PCDHB15: variants seen among roughly 807,000 people sequenced by gnomAD.
PCDHB15 encodes protocadherin beta 15, also known as protocadherin beta-15.
For synonymous variants in PCDHB15, 492 were observed against 447.9 expected (o/e 1.10, Z -1.24); for missense variants, 1,032 against 991.7 (o/e 1.04, Z -0.55).
rs782163120 is a variant in PCDHB15, at chr5:141,245,605, C to T, written c.27C>T (p.Pro9=). Residue 9 remains proline, a synonymous_variant, in exon 1 of 1, where the codon CCC becomes CCT. Transcript: ENST00000231173. The part of the protein sequence containing the change: MEPAGERF[P]EQRQVLILLL... ...TGGAGCCTGCAGGGGAGCGCTTTCC[C>T]GAACAAAGGCAAGTCCTGATTCTCC... is the stretch of plus-strand genomic sequence containing the variant. 1.9e-6 allele frequency: 3 copies of T among 1,614,072 alleles called. No homozygotes were observed. Among genetic ancestry groups the T allele is most frequent in the Admixed American group, 1.7e-5 (1 of 60,010 alleles).
rs781852066 is a variant in PCDHB15 at position 141,247,458 on chromosome 5, C to T, written c.1880C>T (p.Ala627Val). The T allele has an allele frequency of 6.2e-7, 1 of 1,607,822 alleles. No individual in the cohort carries two copies. The highest frequency in any genetic ancestry group is 8.5e-7 in the Non-Finnish European group (1 of 1,179,678). ...VWAHNGEVRT[A>V]RLLSERDVAK... ...GCGCACAATGGCGAGGTGCGCACCG[C>T]CAGGCTGCTGAGCGAGCGCGACGTG... Residue 627 changes from alanine (A) to valine (V), a missense_variant, in exon 1 of 1, where the codon GCC becomes GTC. Coordinates refer to ENST00000231173, the MANE Select transcript of PCDHB15 (RefSeq NM_018935.4).
At position 141,246,293 on chromosome 5, in the gene PCDHB15, G is replaced by A. The variant is rs782724041; in HGVS notation, c.715G>A (p.Ala239Thr). The part of the protein sequence containing the change: ...LILVLDANDN[A>T]PEFVQALYEV... ...CTTGGTCTTGGACGCCAATGACAAT[G>A]CCCCGGAGTTTGTGCAGGCGCTCTA... Residue 239 changes from alanine to threonine, a missense_variant, in exon 1 of 1, where the codon GCC becomes ACC. Physicochemically the swap from Ala to Thr is moderately conservative, Grantham distance 58. Coordinates refer to ENST00000231173, the MANE Select transcript of PCDHB15 (RefSeq NM_018935.4). 6.2e-6 allele frequency: 10 copies of A among 1,614,132 alleles called. No homozygotes were observed. In the Admixed American group the frequency reaches 1.5e-4, roughly 24 times the overall value.
In PCDHB15 at chr5:141,247,251, C is replaced by T. The variant is rs551164198; in HGVS notation, c.1673C>T (p.Ser558Leu). 6.2e-7 allele frequency: 1 copy of T among 1,611,528 alleles called. No individual in the cohort carries two copies. Among genetic ancestry groups the T allele is most frequent in the South Asian group, 1.1e-5 (1 of 90,972 alleles). Residue 558 changes from serine (S) to leucine (L), a missense_variant, in exon 1 of 1, where the codon TCG becomes TTG. By Grantham distance (145) the Ser-to-Leu change is moderately radical (BLOSUM62 -2). Coordinates refer to ENST00000231173, the MANE Select transcript of PCDHB15 (RefSeq NM_018935.4). ...RVLVLDANDN[S>L]PFVLYPLQNG... ...CTGGTGCTGGACGCCAACGACAACTCGCCCTTCGTGCTGTACCCGCTGCAG... is the reference window on the plus strand; with the variant it reads ...CTGGTGCTGGACGCCAACGACAACTTGCCCTTCGTGCTGTACCCGCTGCAG...
At position 141,246,837 on chromosome 5, in the gene PCDHB15, C is replaced by T. The variant is rs782025340; in HGVS notation, c.1259C>T (p.Thr420Ile). ...DRETRAEYNI[T>I]ITITDLGTPR... is the part of the protein sequence containing the mutation. ...GAGACCAGAGCCGAGTACAACATCA[C>T]CATCACCATCACAGACTTGGGGACT... The change falls in exon 1 of 1, where the codon ACC (threonine) becomes ATC (isoleucine). Residue 420 changes from threonine (T) to isoleucine (I), a missense_variant. Transcript: ENST00000231173. 6.2e-7 allele frequency: 1 copy of T among 1,614,186 alleles called. No homozygotes were observed. The highest frequency in any genetic ancestry group is 1.7e-5 in the Admixed American group (1 of 60,020).
rs537608998 is a variant in PCDHB15 at position 141,247,235 on chromosome 5, G to A, written c.1657G>A (p.Asp553Asn). 11 of 1,611,804 alleles carry A rather than the reference G, an allele frequency of 6.8e-6. No homozygotes were observed. In the East Asian group the frequency reaches 1.8e-4, roughly 26 times the overall value. ...GGCGCTGGTGCGAGTGCTGGTGCTG[G>A]ACGCCAACGACAACTCGCCCTTCGT... ...SEALVRVLVL[D>N]ANDNSPFVLY... Residue 553 changes from aspartate to asparagine, a missense_variant, in exon 1 of 1, where the codon GAC becomes AAC. By Grantham distance (23) the Asp-to-Asn change is conservative (BLOSUM62 1). Transcript: ENST00000231173.
chr5:141,246,813 A>AT lies in PCDHB15; in HGVS notation c.1235_1236insT (p.Glu412AspfsTer35). ...GTAACAGAAGGGGCGCTGGACAGAG[A>AT]GACCAGAGCCGAGTACAACATCACC... On this transcript the variant is annotated frameshift_variant, in exon 1 of 1. Transcript: ENST00000231173. LOFTEE classifies it low-confidence loss of function (END_TRUNC). 6.2e-7 allele frequency: 1 copy of AT among 1,614,172 alleles called. No homozygotes were observed. The highest frequency in any genetic ancestry group is 1.7e-4 in the Middle Eastern group (1 of 6,056).
In PCDHB15 at chr5:141,247,994, T is replaced by G; in HGVS notation, c.*52T>G. On this transcript the variant is annotated 3_prime_UTR_variant, in exon 1 of 1. Coordinates refer to ENST00000231173, the MANE Select transcript of PCDHB15 (RefSeq NM_018935.4). ...TCTGTTAATTTTGTCTTCCTCACTT[T>G]TCACCTTAGTTTTTTTTAACCCTTT... The G allele has an allele frequency of 6.6e-7, 1 of 1,506,178 alleles. No individual in the cohort carries two copies. The highest frequency in any genetic ancestry group is 1.4e-5 in the South Asian group (1 of 72,584). The allele number at this position is 1,506,178 out of a possible 1,614,324, so 93.3% of individuals were successfully genotyped here.
rs145773606 is a variant in PCDHB15, at chr5:141,246,176, C to A, written c.598C>A (p.Leu200Met). 2 of 1,614,188 alleles carry A rather than the reference C, an allele frequency of 1.2e-6. No homozygotes were observed. The highest frequency in any genetic ancestry group is 1.7e-6 in the Non-Finnish European group (2 of 1,180,036). ...CCCAGAGCTGGTGCTGGACACAGAA[C>A]TGGATCGCGAGGAGCAGGCCGAGCT... is the stretch of plus-strand genomic sequence containing the variant. ...KYPELVLDTE[L>M]DREEQAELRL... is the part of the protein sequence containing the mutation. Residue 200 changes from leucine (L) to methionine (M), a missense_variant, in exon 1 of 1, where the codon CTG becomes ATG. By Grantham distance (15) the Leu-to-Met change is conservative. Transcript: ENST00000231173.
Position 141,247,864 on chromosome 5 carries a change from T to C in PCDHB15, c.2286T>C (p.Asn762=), listed in dbSNP as rs1434206162. 1 of 1,614,176 alleles carries C rather than the reference T, an allele frequency of 6.2e-7. No homozygotes were observed. Among genetic ancestry groups the C allele is most frequent in the South Asian group, 1.1e-5 (1 of 91,076 alleles). ...GTCTGACGGGAGGCTCTGAAAGTAA[T>C]GATTTCAAGTTCTTGAAGCCTATAT... ...EVCLTGGSES[N]DFKFLKPIFP... The change falls in exon 1 of 1, where the codon AAT becomes AAC. Residue 762 remains asparagine (N), a synonymous_variant. Transcript: ENST00000231173.
At position 141,245,819 on chromosome 5, in the gene PCDHB15, A is replaced by T; in HGVS notation, c.241A>T (p.Thr81Ser). The change falls in exon 1 of 1, where the codon ACC becomes TCC. Residue 81 changes from threonine (T) to serine (S), a missense_variant. By Grantham distance (58) the Thr-to-Ser change is moderately conservative. Coordinates refer to ENST00000231173, the MANE Select transcript of PCDHB15 (RefSeq NM_018935.4). ...NEQGLQLDLQ[T>S]GQLILNEKLD... ...ACAAGGCTTGCAGCTTGATCTGCAGACCGGGCAGTTGATATTAAATGAGAA... is the reference window on the plus strand; with the variant it reads ...ACAAGGCTTGCAGCTTGATCTGCAGTCCGGGCAGTTGATATTAAATGAGAA... 1 of 1,614,152 alleles carries T rather than the reference A, an allele frequency of 6.2e-7. No homozygotes were observed. Among genetic ancestry groups the T allele is most frequent in the Non-Finnish European group, 8.5e-7 (1 of 1,180,032 alleles).
rs1554292207 is a variant in PCDHB15, at chr5:141,247,386, C to T, written c.1808C>T (p.Ser603Leu). ...DGDSGQNAWL[S>L]YQLLKATEPG... ...GACTCGGGCCAGAACGCCTGGCTGT[C>T]GTACCAGCTGCTCAAGGCCACGGAG... is the stretch of plus-strand genomic sequence containing the variant. The change falls in exon 1 of 1, where the codon TCG (serine) becomes TTG (leucine). Residue 603 changes from serine to leucine, a missense_variant. By Grantham distance (145) the Ser-to-Leu change is moderately radical (BLOSUM62 -2). Coordinates refer to ENST00000231173, the MANE Select transcript of PCDHB15 (RefSeq NM_018935.4). 5.6e-6 allele frequency: 9 copies of T among 1,605,230 alleles called. No individual in the cohort carries two copies. The highest frequency in any genetic ancestry group is 7.6e-6 in the Non-Finnish European group (9 of 1,178,976).
Position 141,248,217 on chromosome 5 carries a change from A to G in PCDHB15, c.*275A>G, listed in dbSNP as rs1426820025. 3 of 248,252 alleles carry G rather than the reference A, an allele frequency of 1.2e-5. No homozygotes were observed. Among genetic ancestry groups the G allele is most frequent in the Admixed American group, 1.0e-4 (2 of 19,736 alleles). 15.4% of individuals were successfully genotyped at this position (248,252 alleles called of 1,614,324 possible). On this transcript the variant is annotated 3_prime_UTR_variant, in exon 1 of 1. Coordinates refer to ENST00000231173, the MANE Select transcript of PCDHB15 (RefSeq NM_018935.4). ...TGAAAGTTAACCCCACCTAATAAAC[A>G]TAACTCTAATTCTGAAATTACCTTT...
At position 141,247,517 on chromosome 5, in the gene PCDHB15, A is replaced by G. The variant is rs1554292252; in HGVS notation, c.1939A>G (p.Asn647Asp). 1 of 1,608,788 alleles carries G rather than the reference A, an allele frequency of 6.2e-7. No homozygotes were observed. The highest frequency in any genetic ancestry group is 8.5e-7 in the Non-Finnish European group (1 of 1,179,720). Residue 647 changes from asparagine (N) to aspartate (D), a missense_variant, in exon 1 of 1, where the codon AAT becomes GAT. Asn to Asp is a conservative substitution (Grantham distance 23, BLOSUM62 1). Transcript: ENST00000231173. ...KHRLVVLVKDNGEPPRSATAT... is the reference protein window; with the variant it reads ...KHRLVVLVKDDGEPPRSATAT... ...CAGGCTAGTGGTGCTGGTCAAGGAC[A>G]ATGGCGAGCCTCCGCGCTCGGCCAC...
rs1554292283 is a variant in PCDHB15, at chr5:141,247,630, C to T, written c.2052C>T (p.Asp684=). The change falls in exon 1 of 1, where the codon GAC becomes GAT. Residue 684 remains aspartate, a synonymous_variant. Transcript: ENST00000231173. ...PEAAPAQAQA[D]SLTVYLVVAL... is the part of the protein sequence containing the mutation. ...CGGCCCCGGCCCAAGCCCAGGCCGA[C>T]TCGCTTACCGTCTACCTGGTGGTGG... The T allele has an allele frequency of 6.2e-7, 1 of 1,610,392 alleles. No individual in the cohort carries two copies.
Position 141,247,221 on chromosome 5 carries a change from G to T in PCDHB15, c.1643G>T (p.Arg548Leu), listed in dbSNP as rs1371705552. The T allele has an allele frequency of 6.2e-7, 1 of 1,611,950 alleles. No homozygotes were observed. The highest frequency in any genetic ancestry group is 2.2e-5 in the East Asian group (1 of 44,882). Residue 548 changes from arginine (R) to leucine (L), a missense_variant, in exon 1 of 1, where the codon CGA becomes CTA. Physicochemically the swap from Arg to Leu is moderately radical, Grantham distance 102. Transcript: ENST00000231173. The part of the protein sequence containing the change: ...FPALSSEALV[R>L]VLVLDANDNS... ...GCGCTGAGCAGCGAGGCGCTGGTGC[G>T]AGTGCTGGTGCTGGACGCCAACGAC... is the stretch of plus-strand genomic sequence containing the variant.
In PCDHB15 at chr5:141,245,861, C is replaced by G. The variant is rs142267472; in HGVS notation, c.283C>G (p.Leu95Val). ...ILNEKLDREK[L>V]CGPTEPCIMH... is the part of the protein sequence containing the mutation. ...AAATGAGAAGCTGGACCGGGAGAAG[C>G]TGTGTGGCCCTACTGAGCCCTGTAT... The change falls in exon 1 of 1, where the codon CTG (leucine) becomes GTG (valine). Residue 95 changes from leucine (L) to valine (V), a missense_variant. By Grantham distance (32) the Leu-to-Val change is conservative. Coordinates refer to ENST00000231173, the MANE Select transcript of PCDHB15 (RefSeq NM_018935.4). The G allele has an allele frequency of 1.3e-5, 21 of 1,614,072 alleles. No individual in the cohort carries two copies. The highest frequency in any genetic ancestry group is 6.7e-5 in the Admixed American group (4 of 60,008).
rs61742735 is a variant in PCDHB15 at position 141,247,081 on chromosome 5, C to T, written c.1503C>T (p.Thr501=). Residue 501 remains threonine (T), a synonymous_variant, in exon 1 of 1, where the codon ACC becomes ACT. Transcript: ENST00000231173. ...CCCGGGACCCGCACCTGCCCCTCACCTCCCTGGTCTCCATTAACACGGACA... is the reference window on the plus strand; with the variant it reads ...CCCGGGACCCGCACCTGCCCCTCACTTCCCTGGTCTCCATTAACACGGACA... ...LPPRDPHLPL[T]SLVSINTDNG... is the part of the protein sequence containing the mutation. The T allele has an allele frequency of 6.2e-7, 1 of 1,614,042 alleles. No individual in the cohort carries two copies. The highest frequency in any genetic ancestry group is 1.7e-5 in the Admixed American group (1 of 60,026).
In PCDHB15 at chr5:141,246,314, C is replaced by T; in HGVS notation, c.736C>T (p.Leu246Phe). Reference protein sequence around the residue: ...NDNAPEFVQALYEVQVPENSP... With the variant: ...NDNAPEFVQAFYEVQVPENSP... ...CAATGCCCCGGAGTTTGTGCAGGCG[C>T]TCTACGAGGTGCAGGTCCCAGAGAA... The change falls in exon 1 of 1, where the codon CTC (leucine) becomes TTC (phenylalanine). Residue 246 changes from leucine (L) to phenylalanine (F), a missense_variant. Coordinates refer to ENST00000231173, the MANE Select transcript of PCDHB15 (RefSeq NM_018935.4). The T allele has an allele frequency of 1.2e-6, 2 of 1,614,142 alleles. No homozygotes were observed. Among genetic ancestry groups the T allele is most frequent in the Non-Finnish European group, 1.7e-6 (2 of 1,180,000 alleles).
chr5:141,248,433 A>G lies in PCDHB15; in HGVS notation c.*491A>G, dbSNP rs1554292457. On this transcript the variant is annotated 3_prime_UTR_variant, in exon 1 of 1. Coordinates refer to ENST00000231173, the MANE Select transcript of PCDHB15 (RefSeq NM_018935.4). The stretch of plus-strand genomic sequence containing the variant: ...TTTGTTTTTTCCAATAAGGAGCAAC[A>G]TGGATAAGTTTAAGCTACTCTTTTC... 1 of 154,084 alleles carries G rather than the reference A, an allele frequency of 6.5e-6. No individual in the cohort carries two copies. Among genetic ancestry groups the G allele is most frequent in the African/African-American group, 2.4e-5 (1 of 41,468 alleles). The allele number at this position is 154,084 out of a possible 1,614,324, so 9.5% of individuals were successfully genotyped here.
Sources: gnomAD v4.1 joint callset for allele counts on GRCh38, gnomAD v4.1.1 for gene constraint, MANE v1.5 for transcripts, NCBI Gene and HGNC (gene_info 2026-07-23, HGNC 2026-07-21) for gene names.